ELAPOR2: variants seen among roughly 807,000 people sequenced by gnomAD.
ELAPOR2 encodes endosome-lysosome associated apoptosis and autophagy regulator family member 2, also known as endosome/lysosome-associated apoptosis and autophagy regulator family member 2.
Under a neutral mutation model 120.7 loss-of-function variants are expected in ELAPOR2, and 89 were observed. That is an observed-to-expected ratio of 0.74 (90% confidence interval 0.62 to 0.88). The LOEUF is 0.88. Ranked by LOEUF, ELAPOR2 falls within the 40% of genes least tolerant of loss-of-function variation. The pLI is 0.00. For missense variants in ELAPOR2, 1,134 were observed against 1,251.6 expected, an observed-to-expected ratio of 0.91 and a Z score of 1.42; for synonymous variants, 444 against 444.9, an observed-to-expected ratio of 1.00 and a Z score of 0.03.
chr7:86,980,461 G>C (rs1792428522), intron 1 of ELAPOR2, among the ~76,000 whole-genome samples: 2 of 152,196 alleles, frequency 1.3e-5, no homozygotes. Context: ...GCTTTCTGCA[G>C]TCTTTACGGA....
intron 21 of ELAPOR2, among the ~76,000 whole-genome samples, chr7:86,891,000 T>C (rs1295344382): frequency 2.6e-5 from 4 of 152,078 alleles, no homozygotes; most frequent in South Asian, 4.1e-4. Context: ...TAATTTCTCA[T>C]CTTTTAAGTC....
intron 1 of ELAPOR2, among the ~76,000 whole-genome samples, chr7:87,037,353 C>T (rs1794619787): frequency 1.3e-5 from 2 of 152,026 alleles, no homozygotes; most frequent in African/African-American, 4.8e-5. Context: ...TTCCCGCCCC[C>T]ACCACCACCT....
At chr7:86,886,428 G>C (rs1324917082) in intron 21 of ELAPOR2, among the ~76,000 whole-genome samples, 1 of 152,096 alleles carries the variant, frequency 6.6e-6, no homozygotes, top group East Asian at 1.9e-4. Flanking sequence ...TGACAACTTT[G>C]TGATACAATT....
At chr7:87,048,387 A>C (rs993678808) in intron 1 of ELAPOR2, among the ~76,000 whole-genome samples, 1 of 152,326 alleles carries the variant, frequency 6.6e-6, no homozygotes, top group Non-Finnish European at 1.5e-5. Flanking sequence ...GCACAGAAAG[A>C]CACACATCAC....
rs148068906 is a variant in ELAPOR2, at chr7:86,880,289, C to T, written c.*182G>A. On this transcript the variant is annotated 3_prime_UTR_variant, in exon 22 of 22. Coordinates refer to ENST00000450689, the MANE Select transcript of ELAPOR2 (RefSeq NM_001142749.3). Reference sequence around the variant, plus strand: ...AAATCATTTGCTTTCCTTTATTTGGCAAGGTACTTGACCATGTGATAAGGC... The same window carrying T: ...AAATCATTTGCTTTCCTTTATTTGGTAAGGTACTTGACCATGTGATAAGGC... The T allele has an allele frequency of 4.7e-4, 285 of 609,450 alleles. No individual in the cohort carries two copies. In the East Asian group the frequency reaches 7.9e-3, roughly 17 times the overall value. The allele number at this position is 609,450 out of a possible 1,614,324, so 37.8% of individuals were successfully genotyped here. A position where few individuals can be genotyped will look rare whatever the true frequency, so the allele number is the denominator to read the frequency against.
intron 1 of ELAPOR2, among the ~76,000 whole-genome samples, chr7:87,055,793 T>C (rs1218022634): frequency 6.6e-6 from 1 of 152,232 alleles, no homozygotes; most frequent in Non-Finnish European, 1.5e-5. Flanking sequence ...TTTAAATTAC[T>C]AATTTCATAT....
intron 1 of ELAPOR2, among the ~76,000 whole-genome samples, chr7:87,057,116 G>C (rs1795287503): frequency 1.3e-5 from 2 of 152,216 alleles, no homozygotes; most frequent in African/African-American, 4.8e-5. Flanking sequence ...ACACAGAGTA[G>C]TTACTTTAAC....
At chr7:87,042,448 T>C (rs945339404) in intron 1 of ELAPOR2, among the ~76,000 whole-genome samples, 2 of 150,642 alleles carry the variant, frequency 1.3e-5, no homozygotes, top group African/African-American at 5.0e-5. Flanking sequence ...GAACTCAGGA[T>C]GAGAATCTCA....
chr7:86,988,228 G>T (rs1406295551), intron 1 of ELAPOR2, among the ~76,000 whole-genome samples: 1 of 152,076 alleles, frequency 6.6e-6, no homozygotes, highest in Non-Finnish European at 1.5e-5. Flanking sequence ...GGATAGCACT[G>T]GGAGAAATAC....
chr7:87,038,642 A>C (rs561596664), intron 1 of ELAPOR2, among the ~76,000 whole-genome samples: 4 of 152,152 alleles, frequency 2.6e-5, no homozygotes, highest in Non-Finnish European at 5.9e-5. Flanking sequence ...GCAATTTTGG[A>C]AACTATACAA....
Position 86,891,898 on chromosome 7 carries a change from T to G in ELAPOR2, c.2865-9A>C. On this transcript the variant is annotated splice_polypyrimidine_tract_variant and intron_variant, in intron 20 of 21. Transcript: ENST00000450689. ...AATATTTGTATTCCAGTCTAAATAG[T>G]GATAAAATAAATAAACAAATAAGTA... 6.5e-7 allele frequency: 1 copy of G among 1,532,658 alleles called. No individual in the cohort carries two copies. The highest frequency in any genetic ancestry group is 8.9e-7 in the Non-Finnish European group (1 of 1,124,362). 94.9% of individuals were successfully genotyped at this position (1,532,658 alleles called of 1,614,324 possible).
intron 1 of ELAPOR2, among the ~76,000 whole-genome samples, chr7:87,024,333 C>T (rs890351255): frequency 5.9e-5 from 9 of 152,032 alleles, no homozygotes; most frequent in Admixed American, 2.6e-4. Context: ...ATGTGGTTTT[C>T]GTCGTTGGTT....
chr7:86,973,611 G>T (rs186334801), intron 1 of ELAPOR2, among the ~76,000 whole-genome samples: 1 of 152,208 alleles, frequency 6.6e-6, no homozygotes. Flanking sequence ...TCCAACTCTG[G>T]TAAGTGTTCC....
Position 86,877,023 on chromosome 7 carries a change from A to G in ELAPOR2, c.*3448T>C, listed in dbSNP as rs1035608602. 4 of 152,178 alleles carry G rather than the reference A, an allele frequency of 2.6e-5. No homozygotes were observed. Among genetic ancestry groups the G allele is most frequent in the Admixed American group, 1.3e-4 (2 of 15,264 alleles). 9.4% of individuals were successfully genotyped at this position (152,178 alleles called of 1,614,324 possible). A position where few individuals can be genotyped will look rare whatever the true frequency, so the allele number is the denominator to read the frequency against. On this transcript the variant is annotated 3_prime_UTR_variant, in exon 22 of 22. Transcript: ENST00000450689. ...GTTGAGTAAATGCAATAGAGCCCAC[A>G]TGCCCTGCAAAGCCAAAACTATGTA...
At chr7:87,042,267 G>C (rs1194640623) in intron 1 of ELAPOR2, among the ~76,000 whole-genome samples, 1 of 150,954 alleles carries the variant, frequency 6.6e-6, no homozygotes, top group Non-Finnish European at 1.5e-5. Flanking sequence ...GGACCTAATA[G>C]ACATCTACAG....
chr7:86,926,841 A>T lies in ELAPOR2; in HGVS notation c.1165T>A (p.Ser389Thr). 6.2e-7 allele frequency: 1 copy of T among 1,607,682 alleles called. No homozygotes were observed. Among genetic ancestry groups the T allele is most frequent in the South Asian group, 1.1e-5 (1 of 90,746 alleles). The change falls in exon 9 of 22, where the codon TCT becomes ACT. Residue 389 changes from serine (S) to threonine (T), a missense_variant. Coordinates refer to ENST00000450689, the MANE Select transcript of ELAPOR2 (RefSeq NM_001142749.3). ...GGCGGACAATCCTTCTTCTCTCCAG[A>T]AGGGGGCAATCTAATAGCATCTGTG... ...DLTDAIRLPP[S>T]GEKKDCPPCN...
intron 17 of ELAPOR2, 64 bp from the exon 18 acceptor site, chr7:86,907,835 T>C (rs1789099399): frequency 2.5e-6 from 2 of 798,160 alleles, no homozygotes; most frequent in Non-Finnish European, 1.9e-6. Flanking sequence ...GACAAAAATA[T>C]GGGAATAATT....
Position 87,059,497 on chromosome 7 carries a change from C to T in ELAPOR2, c.17G>A (p.Arg6Gln). 1 of 1,203,590 alleles carries T rather than the reference C, an allele frequency of 8.3e-7. No individual in the cohort carries two copies. Among genetic ancestry groups the T allele is most frequent in the Non-Finnish European group, 1.0e-6 (1 of 969,038 alleles). 74.6% of individuals were successfully genotyped at this position (1,203,590 alleles called of 1,614,324 possible). A position where few individuals can be genotyped will look rare whatever the true frequency, so the allele number is the denominator to read the frequency against. Residue 6 changes from arginine to glutamine, a missense_variant, in exon 1 of 22, where the codon CGG becomes CAG. Arg to Gln is a conservative substitution (Grantham distance 43). Around this residue, in one of 3 missense-constraint regions of ELAPOR2, gnomAD observed 280 missense variants for 331.5 expected, o/e 0.84. Transcript: ENST00000450689. ...CCAGCCCCTGCCCCGTACCGGCCCC[C>T]GGGCGCGGAACAGCATCTTCGTCCG... MLFRARGPVRGRGWGR... is the reference protein window; with the variant it reads MLFRAQGPVRGRGWGR...
At chr7:86,972,597 T>A in intron 1 of ELAPOR2, among the ~76,000 whole-genome samples, 1 of 149,740 alleles carries the variant, frequency 6.7e-6, no homozygotes. Flanking sequence ...AAAAAAAAAG[T>A]TTTTTGTTTT....
Sources: gnomAD v4.1 joint callset for allele counts (sites outside exome capture counted in the v4.1 genomes callset) on GRCh38, gnomAD v4.1.1 for gene constraint, gnomAD v4.1.1 regional missense constraint, MANE v1.5 for transcripts, NCBI Gene and HGNC (gene_info 2026-07-23, HGNC 2026-07-21) for gene names.